SLC25A13: variants seen among roughly 807,000 people sequenced by gnomAD.
The protein encoded by SLC25A13 is electrogenic aspartate/glutamate antiporter SLC25A13, mitochondrial.
SLC25A13 carries 70 observed loss-of-function variants against 85.5 expected under a neutral mutation model. That is an observed-to-expected ratio of 0.82 (90% CI 0.68 to 1.00). The LOEUF is 1.00. SLC25A13 is among the 50% of genes least tolerant of loss of function. The pLI, the probability that SLC25A13 is intolerant of heterozygous loss-of-function variation, is 0.00. For missense variants in SLC25A13, 765 were observed against 819.8 expected (o/e 0.93, Z 0.82); for synonymous variants, 259 against 288.7 (o/e 0.90, Z 1.04).
intron 3 of SLC25A13, among the ~76,000 whole-genome samples, chr7:96,251,051 C>CA (rs914868527): frequency 3.0e-4 from 44 of 145,100 alleles, no homozygotes; most frequent in African/African-American, 6.1e-4. Context: ...GAGGAGGAGA[C>CA]AAAAAAAAAA....
chr7:96,192,783 A>G (rs141294343), intron 6 of SLC25A13, among the ~76,000 whole-genome samples: 86 of 152,096 alleles, frequency 5.7e-4, no homozygotes, highest in African/African-American at 2.0e-3. Flanking sequence ...TGAGATCACA[A>G]ATCTGTTTTT....
intron 3 of SLC25A13, among the ~76,000 whole-genome samples, chr7:96,263,362 TCTC>T (rs1401635026): frequency 6.6e-6 from 1 of 152,052 alleles, no homozygotes; most frequent in African/African-American, 2.4e-5. Context: ...GTGACCAAAA[TCTC>T]CTCCTCAATC....
chr7:96,213,469 A>G (rs1269634207), intron 4 of SLC25A13, among the ~76,000 whole-genome samples: 1 of 152,190 alleles, frequency 6.6e-6, no homozygotes, highest in East Asian at 1.9e-4. Flanking sequence ...GTTCTACTCT[A>G]TACTCTGGCT....
intron 5 of SLC25A13, among the ~76,000 whole-genome samples, chr7:96,203,741 C>T (rs1450429767): frequency 6.6e-6 from 1 of 152,054 alleles, no homozygotes; most frequent in Admixed American, 6.6e-5. Flanking sequence ...AAAATAGATA[C>T]CCAAGATTAT....
At chr7:96,228,005 C>T (rs1796383866) in intron 4 of SLC25A13, among the ~76,000 whole-genome samples, 1 of 152,096 alleles carries the variant, frequency 6.6e-6, no homozygotes, top group Admixed American at 6.5e-5. Context: ...GCTGGGATTA[C>T]AGGTGCTGCC....
At chr7:96,196,230 T>C (rs1485287774) in intron 5 of SLC25A13, among the ~76,000 whole-genome samples, 1 of 152,184 alleles carries the variant, frequency 6.6e-6, no homozygotes, top group Non-Finnish European at 1.5e-5. Flanking sequence ...CGTATTCAAT[T>C]GAAAGTAAAT....
At chr7:96,225,295 A>T (rs1796290612) in intron 4 of SLC25A13, among the ~76,000 whole-genome samples, 1 of 152,144 alleles carries the variant, frequency 6.6e-6, no homozygotes, top group South Asian at 2.1e-4. Flanking sequence ...CTGTAATCCT[A>T]GCATCTTGGG....
chr7:96,217,205 A>G (rs1355733867), intron 4 of SLC25A13, among the ~76,000 whole-genome samples: 1 of 152,232 alleles, frequency 6.6e-6, no homozygotes, highest in African/African-American at 2.4e-5. Context: ...TACAATGGTT[A>G]TAATCAAAAA....
chr7:96,164,590 T>C (rs1463772294), intron 13 of SLC25A13, among the ~76,000 whole-genome samples: 2 of 152,128 alleles, frequency 1.3e-5, no homozygotes, highest in East Asian at 3.8e-4. Flanking sequence ...ATCTGGCAGG[T>C]GAAGGCCTTG....
chr7:96,184,139 C>T (rs1017394830), intron 11 of SLC25A13, 138 bp downstream of exon 11: 13 of 1,069,080 alleles, frequency 1.2e-5, no homozygotes, highest in African/African-American at 6.2e-5. Context: ...CCAGCCTACT[C>T]CCATTAGCAT....
At position 96,131,815 on chromosome 7, in the gene SLC25A13, C is replaced by A. The variant is rs11558671; in HGVS notation, c.1519G>T (p.Val507Leu). 1 of 1,614,144 alleles carries A rather than the reference C, an allele frequency of 6.2e-7. No homozygotes were observed. Among genetic ancestry groups the A allele is most frequent in the South Asian group, 1.1e-5 (1 of 91,088 alleles). The change falls in exon 15 of 18, where the codon GTG becomes TTG. Residue 507 changes from valine (V) to leucine (L), a missense_variant. Coordinates refer to ENST00000265631, the MANE Select transcript of SLC25A13 (RefSeq NM_014251.3). Reference protein sequence around the residue: ...SAIYFPCYAHVKASFANEDGQ... With the variant: ...SAIYFPCYAHLKASFANEDGQ... ...TCTTCATTTGCAAAGGAAGCCTTCA[C>A]ATGAGCATAGCACGGAAAGTAGATG... is the stretch of plus-strand genomic sequence containing the variant.
At chr7:96,208,302 AAATCTGTGGAAATCCCATTT>A (rs1393944598) in intron 5 of SLC25A13, among the ~76,000 whole-genome samples, 1 of 152,164 alleles carries the variant, frequency 6.6e-6, no homozygotes, top group African/African-American at 2.4e-5. Context: ...AGTTCTACAT[AAATCTGTGGAAATCCCATTT>A]AATTCTATGA....
chr7:96,260,116 A>G lies in SLC25A13; in HGVS notation c.212+17080T>C, dbSNP rs1584526456. Among the ~76,000 whole-genome samples, 7 of 152,180 alleles carry G rather than the reference A, an allele frequency of 4.6e-5. No individual in the cohort carries two copies. In the South Asian group the frequency reaches 1.5e-3, roughly 32 times the overall value. ...AATACCTAATGTAGATGCTGGGTTG[A>G]TGGGTGCAGCAAACCACCATGGCAC... On this transcript the variant is annotated intron_variant, in intron 3 of 17. Transcript: ENST00000265631.
chr7:96,298,727 C>G lies in SLC25A13; in HGVS notation c.16-1776G>C, dbSNP rs147044734. ...GGATTACAGGCATGAGCCACTGTGC[C>G]CAGCCATGAATTTTTAATCTTTTTA... On this transcript the variant is annotated intron_variant, in intron 1 of 17. Transcript: ENST00000265631. Among the ~76,000 whole-genome samples, 347 of 152,292 alleles carry G rather than the reference C, an allele frequency of 2.3e-3. 2 individuals are homozygous for G. The highest frequency in any genetic ancestry group is 6.8e-3 in the Middle Eastern group (2 of 294).
At chr7:96,121,484 C>T (rs1791502903) in intron 17 of SLC25A13, 107 bp from the exon 18 acceptor site, 4 of 1,423,968 alleles carry the variant, frequency 2.8e-6, no homozygotes, top group African/African-American at 2.8e-5. Context: ...GGAGTTGATA[C>T]ATTCTCATCA....
chr7:96,218,332 G>A (rs1387798639), intron 4 of SLC25A13, among the ~76,000 whole-genome samples: 1 of 152,088 alleles, frequency 6.6e-6, no homozygotes, highest in Non-Finnish European at 1.5e-5. Context: ...GTTTCTTAAA[G>A]TATAAAATTA....
At chr7:96,192,198 G>C (rs994176475) in intron 6 of SLC25A13, among the ~76,000 whole-genome samples, 1 of 152,100 alleles carries the variant, frequency 6.6e-6, no homozygotes, top group African/African-American at 2.4e-5. Context: ...AAACTGAAAG[G>C]CTACTCTGAG....
intron 1 of SLC25A13, among the ~76,000 whole-genome samples, chr7:96,319,350 C>G (rs1371950044): frequency 6.6e-6 from 1 of 152,000 alleles, no homozygotes; most frequent in African/African-American, 2.4e-5. Flanking sequence ...AGATCCAAGA[C>G]CAGCCTGGCC....
rs561594304 is a variant in SLC25A13, at chr7:96,170,298, T to A, written c.1231-173A>T. On this transcript the variant is annotated intron_variant, in intron 12 of 17. Transcript: ENST00000265631. ...AGTTTGAGAAGTACTCTTAATAGTA[T>A]AATAGTTTTAAAAAATGAAAAATAT... 8.5e-5 allele frequency among the ~76,000 whole-genome samples: 13 copies of A among 152,310 alleles called. 1 individual carries two copies. The South Asian group carries it at 2.5e-3, about 29-fold the overall frequency.
Sources: gnomAD v4.1 joint callset for allele counts (sites outside exome capture counted in the v4.1 genomes callset) on GRCh38, gnomAD v4.1.1 for gene constraint, MANE v1.5 for transcripts, NCBI Gene and HGNC (gene_info 2026-07-23, HGNC 2026-07-21) for gene names.